The following SCARA5 variants were observed in gnomAD, a reference collection of about 807,000 sequenced individuals.
The protein encoded by SCARA5 is scavenger receptor class A, member 5 (putative).
A neutral mutation model predicts 46.3 loss-of-function variants in SCARA5; 45 were observed. The ratio of observed to expected loss-of-function variants is 0.97; its 90% CI spans 0.76 to 1.24. The LOEUF (loss-of-function observed/expected upper bound fraction) is 1.24, where lower values mean the gene tolerates loss of function less well. SCARA5 is among the 50% of genes most tolerant of loss of function. The pLI, the probability that SCARA5 is intolerant of heterozygous loss-of-function variation, is 0.00. For missense variants in SCARA5, 680 were observed against 689.0 expected (o/e 0.99, Z 0.15); for synonymous variants, 333 against 306.5 (o/e 1.09, Z -0.90).
intron 3 of SCARA5, among the ~76,000 whole-genome samples, chr8:27,938,315 G>C (rs1234352570): frequency 1.3e-5 from 2 of 151,468 alleles, no homozygotes; most frequent in Non-Finnish European, 2.9e-5. Flanking sequence ...ACTTAAAAAT[G>C]TTTGAAGGTG....
intron 7 of SCARA5, among the ~76,000 whole-genome samples, chr8:27,892,594 C>T (rs1807001476): frequency 1.3e-5 from 2 of 150,228 alleles, no homozygotes; most frequent in South Asian, 4.2e-4. Flanking sequence ...AGTGACCTCT[C>T]CATACCTCAC....
chr8:27,917,536 G>C (rs763615157), intron 4 of SCARA5, among the ~76,000 whole-genome samples: 2 of 152,162 alleles, frequency 1.3e-5, no homozygotes, highest in Non-Finnish European at 2.9e-5. Flanking sequence ...GAAGCAAAAT[G>C]CTTCCATCCC....
In SCARA5 at chr8:27,939,884, T is replaced by C. The variant is rs1039079658; in HGVS notation, c.242-17639A>G. On this transcript the variant is annotated intron_variant, in intron 3 of 8. Coordinates refer to ENST00000354914, the MANE Select transcript of SCARA5 (RefSeq NM_173833.6). ...AATCCAGAATTGGAGCCCCAGACTA[T>C]CTGCCTCTTTCTACTCCACCACAAT... 2.6e-5 allele frequency among the ~76,000 whole-genome samples: 4 copies of C among 152,170 alleles called. No individual in the cohort carries two copies. The South Asian group carries it at 6.2e-4, about 24-fold the overall frequency.
intron 3 of SCARA5, among the ~76,000 whole-genome samples, chr8:27,925,853 C>A (rs1807672117): frequency 6.6e-6 from 1 of 152,190 alleles, no homozygotes. Context: ...AAAAAATGCT[C>A]ATCATCACTG....
In SCARA5 at chr8:27,966,693, G is replaced by C; in HGVS notation, c.113-151C>G. ...TTGCATGTCTAGAATGCAGCCACTT[G>C]ATGGGGAGCTTTCCAGGACCATCAC... On this transcript the variant is annotated intron_variant, in intron 2 of 8. Transcript: ENST00000354914. The C allele has an allele frequency of 5.1e-6, 4 of 776,814 alleles. No homozygotes were observed. In the South Asian group the frequency reaches 8.8e-5, roughly 17 times the overall value. The allele number at this position is 776,814 out of a possible 1,614,324, so 48.1% of individuals were successfully genotyped here.
intron 7 of SCARA5, among the ~76,000 whole-genome samples, chr8:27,894,453 T>C (rs1353659495): frequency 6.6e-6 from 1 of 152,232 alleles, no homozygotes; most frequent in Non-Finnish European, 1.5e-5. Flanking sequence ...GAATGAGTCT[T>C]AGACTGAAAG....
At chr8:27,929,697 G>T (rs1338835102) in intron 3 of SCARA5, among the ~76,000 whole-genome samples, 1 of 152,160 alleles carries the variant, frequency 6.6e-6, no homozygotes, top group Non-Finnish European at 1.5e-5. Context: ...TGCTGGGATG[G>T]TCAGTCACAA....
intron 3 of SCARA5, among the ~76,000 whole-genome samples, chr8:27,956,464 G>A (rs1250534294): frequency 1.3e-5 from 2 of 152,170 alleles, no homozygotes; most frequent in South Asian, 2.1e-4. Flanking sequence ...GTTTATTGAG[G>A]CCCTAGTATA....
intron 3 of SCARA5, among the ~76,000 whole-genome samples, chr8:27,965,881 C>T (rs1808361327): frequency 6.6e-6 from 1 of 152,230 alleles, no homozygotes; most frequent in Non-Finnish European, 1.5e-5. Flanking sequence ...CATGAGCTCT[C>T]CTTCTCCATG....
intron 7 of SCARA5, among the ~76,000 whole-genome samples, chr8:27,893,951 T>C (rs1807023807): frequency 6.6e-6 from 1 of 152,180 alleles, no homozygotes; most frequent in Admixed American, 6.5e-5. Context: ...TGGGGTAACC[T>C]CAGAGCTATC....
At chr8:27,930,651 C>T (rs1341709853) in intron 3 of SCARA5, among the ~76,000 whole-genome samples, 3 of 152,204 alleles carry the variant, frequency 2.0e-5, no homozygotes, top group Non-Finnish European at 2.9e-5. Flanking sequence ...ATCCGCCCCC[C>T]TCGGCCACCC....
chr8:27,959,784 C>T (rs1209784580), intron 3 of SCARA5, among the ~76,000 whole-genome samples: 2 of 152,236 alleles, frequency 1.3e-5, no homozygotes, highest in East Asian at 3.9e-4. Flanking sequence ...AAAAGCACAA[C>T]ACCATGTCTG....
At chr8:27,872,247 C>T (rs1806651511) in intron 8 of SCARA5, among the ~76,000 whole-genome samples, 177 bp from the exon 9 acceptor site, 1 of 152,164 alleles carries the variant, frequency 6.6e-6, no homozygotes, top group Admixed American at 6.5e-5. Flanking sequence ...GGATTAGTTT[C>T]TTGAGGGCAG....
At chr8:27,986,181 A>G (rs1458625386) in intron 2 of SCARA5, among the ~76,000 whole-genome samples, 2 of 152,198 alleles carry the variant, frequency 1.3e-5, no homozygotes, top group Non-Finnish European at 2.9e-5. Context: ...CCAGAACCCC[A>G]GGCCTTCTCC....
chr8:27,917,826 T>C (rs992305119), intron 4 of SCARA5, among the ~76,000 whole-genome samples: 92 of 151,926 alleles, frequency 6.1e-4, no homozygotes, highest in African/African-American at 2.1e-3. Flanking sequence ...GCAAGGGAGG[T>C]CAAGGAAAAG....
intron 2 of SCARA5, among the ~76,000 whole-genome samples, chr8:27,987,052 G>A (rs1229181920): frequency 6.6e-6 from 1 of 152,226 alleles, no homozygotes; most frequent in Non-Finnish European, 1.5e-5. Flanking sequence ...GGCAAGACCA[G>A]GGCCTTGCAC....
At chr8:27,962,797 ATGATTTTAAACC>A (rs1345833689) in intron 3 of SCARA5, among the ~76,000 whole-genome samples, 1 of 152,228 alleles carries the variant, frequency 6.6e-6, no homozygotes, top group African/African-American at 2.4e-5. Flanking sequence ...GTATGTATTC[ATGATTTTAAACC>A]CTCCTGTGCA....
intron 2 of SCARA5, among the ~76,000 whole-genome samples, chr8:27,974,964 TA>T (rs1808501475): frequency 6.6e-6 from 1 of 152,058 alleles, no homozygotes; most frequent in Non-Finnish European, 1.5e-5. Flanking sequence ...TCCAGAGTCA[TA>T]AGAGTGATTT....
At chr8:27,872,123 G>A in intron 8 of SCARA5, 53 bp from the exon 9 acceptor site, 1 of 1,594,026 alleles carries the variant, frequency 6.3e-7, no homozygotes, top group Admixed American at 1.7e-5. Context: ...GGGCGAGAAG[G>A]AGAAGAGAGA....
Sources: allele counts gnomAD v4.1 joint callset (sites outside exome capture counted in the v4.1 genomes callset), GRCh38; gene constraint gnomAD v4.1.1; transcripts MANE v1.5; gene names NCBI Gene and HGNC (gene_info 2026-07-23, HGNC 2026-07-21).